Variants in CAGE1 observed in about 807,000 individuals in gnomAD.
CAGE1 encodes cancer antigen 1.
A neutral mutation model predicts 94.9 loss-of-function variants in CAGE1; 66 were observed. The observed-to-expected ratio is 0.70, with a 90% CI of 0.57 to 0.85. The LOEUF (loss-of-function observed/expected upper bound fraction) is 0.85, where lower values mean the gene tolerates loss of function less well. CAGE1 is among the 40% of genes least tolerant of loss of function. The pLI, the probability that CAGE1 is intolerant of heterozygous loss-of-function variation, is 0.00. For missense variants in CAGE1, 865 were observed against 950.4 expected (o/e 0.91, Z 1.18); for synonymous variants, 319 against 321.0 (o/e 0.99, Z 0.07).
At chr6:7,382,212 A>G (rs1760959108) in intron 3 of CAGE1, among the ~76,000 whole-genome samples, 1 of 152,096 alleles carries the variant, frequency 6.6e-6, no homozygotes, top group Non-Finnish European at 1.5e-5. Flanking sequence ...TACATATTGC[A>G]TGTATCTTCA....
At position 7,389,547 on chromosome 6, in the gene CAGE1, A is replaced by G. The variant is rs1006047438; in HGVS notation, c.-369T>C. ...TTCCCAGAGAGTGGTGAAGTTAGGA[A>G]GGTACGACCCCCTAGGCCGAACAGC... On this transcript the variant is annotated 5_prime_UTR_variant, in exon 1 of 14. Transcript: ENST00000502583. 29 of 346,182 alleles carry G rather than the reference A, an allele frequency of 8.4e-5. No individual in the cohort carries two copies. Among genetic ancestry groups the G allele is most frequent in the Non-Finnish European group, 1.4e-4 (25 of 173,634 alleles). 21.4% of individuals were successfully genotyped at this position (346,182 alleles called of 1,614,324 possible).
At chr6:7,345,390 A>C (rs967017533) in intron 11 of CAGE1, among the ~76,000 whole-genome samples, 5 of 152,154 alleles carry the variant, frequency 3.3e-5, no homozygotes, top group African/African-American at 9.7e-5. Context: ...CAAACGCCAG[A>C]TGTGCCATCT....
At chr6:7,332,253 T>G (rs1462011019) in intron 12 of CAGE1, among the ~76,000 whole-genome samples, 5 of 152,174 alleles carry the variant, frequency 3.3e-5, no homozygotes, top group African/African-American at 1.2e-4. Flanking sequence ...GAGTCTCAGC[T>G]TGGCAATTGG....
chr6:7,378,738 C>T lies in CAGE1; in HGVS notation c.566G>A (p.Arg189Lys). The T allele has an allele frequency of 6.8e-6, 11 of 1,613,906 alleles. No homozygotes were observed. Among genetic ancestry groups the T allele is most frequent in the Non-Finnish European group, 8.5e-6 (10 of 1,179,852 alleles). Reference protein sequence around the residue: ...GNEYFRQPPPRSPPLIHCSGE... With the variant: ...GNEYFRQPPPKSPPLIHCSGE... ...ACTGCAGTGGATTAGAGGCGGGCTT[C>T]TAGGAGGAGGCTGTCTAAAATACTC... is the stretch of plus-strand genomic sequence containing the variant. The change falls in exon 4 of 14, where the codon AGA (arginine) becomes AAA (lysine). Residue 189 changes from arginine to lysine, a missense_variant. Arg to Lys is a conservative substitution (Grantham distance 26). Coordinates refer to ENST00000502583, the MANE Select transcript of CAGE1 (RefSeq NM_001170692.2).
At position 7,356,138 on chromosome 6, in the gene CAGE1, A is replaced by T; in HGVS notation, c.2194-9T>A. 1 of 1,437,258 alleles carries T rather than the reference A, an allele frequency of 7.0e-7. No homozygotes were observed. The highest frequency in any genetic ancestry group is 1.4e-5 in the African/African-American group (1 of 70,710). 89.0% of individuals were successfully genotyped at this position (1,437,258 alleles called of 1,614,324 possible). ...TGTCCCAGTTTTGTGATCTATGGAG[A>T]AATATCAGTAAACATACTAATCTGG... On this transcript the variant is annotated splice_polypyrimidine_tract_variant and intron_variant, in intron 9 of 13. Transcript: ENST00000502583.
chr6:7,344,685 C>T (rs939687677), intron 11 of CAGE1, among the ~76,000 whole-genome samples: 1 of 152,248 alleles, frequency 6.6e-6, no homozygotes, highest in African/African-American at 2.4e-5. Context: ...GCTTCTGAGT[C>T]TGGTGGGAAG....
Position 7,373,952 on chromosome 6 carries a change from C to G in CAGE1, c.867G>C (p.Trp289Cys). 6.2e-7 allele frequency: 1 copy of G among 1,614,000 alleles called. No homozygotes were observed. The highest frequency in any genetic ancestry group is 1.3e-5 in the African/African-American group (1 of 75,040). The change falls in exon 5 of 14, where the codon TGG becomes TGC. Residue 289 changes from tryptophan (W) to cysteine (C), a missense_variant. Physicochemically the swap from Trp to Cys is radical, Grantham distance 215. Coordinates refer to ENST00000502583, the MANE Select transcript of CAGE1 (RefSeq NM_001170692.2). ...GTTGTAAGCTTTCAGCACTTTGCTCCCAGTCAGGCATCTCACAGTTCTCCC... is the reference window on the plus strand; with the variant it reads ...GTTGTAAGCTTTCAGCACTTTGCTCGCAGTCAGGCATCTCACAGTTCTCCC... ...ACRENCEMPD[W>C]EQSAESLQPV... is the part of the protein sequence containing the mutation.
chr6:7,387,059 T>C lies in CAGE1; in HGVS notation c.115A>G (p.Ser39Gly). The C allele has an allele frequency of 6.4e-7, 1 of 1,551,898 alleles. No homozygotes were observed. The highest frequency in any genetic ancestry group is 1.4e-5 in the African/African-American group (1 of 73,180). The change falls in exon 2 of 14, where the codon AGC becomes GGC. Residue 39 changes from serine (S) to glycine (G), a missense_variant. Transcript: ENST00000502583. ...AGCATTACACCTTGAGAAAGATTGC[T>C]GACATTCATGGTATCCGATTCTGAC... ...SMSESDTMNV[S>G]NLSQGVMLSH... is the part of the protein sequence containing the mutation.
At chr6:7,333,601 G>GTT (rs5874091) in intron 12 of CAGE1, among the ~76,000 whole-genome samples, 7 of 142,062 alleles carry the variant, frequency 4.9e-5, no homozygotes, top group African/African-American at 1.0e-4. Context: ...AAGGAAAAGA[G>GTT]TTTTTTTTTT....
intron 4 of CAGE1, among the ~76,000 whole-genome samples, chr6:7,375,572 T>C (rs984463543): frequency 3.3e-5 from 5 of 151,986 alleles, no homozygotes; most frequent in African/African-American, 9.7e-5. Flanking sequence ...CCCTATCTCT[T>C]CAAAAAAAAT....
At position 7,339,341 on chromosome 6, in the gene CAGE1, C is replaced by T. The variant is rs573357828; in HGVS notation, c.2370-5251G>A. On this transcript the variant is annotated intron_variant, in intron 11 of 13. Coordinates refer to ENST00000502583, the MANE Select transcript of CAGE1 (RefSeq NM_001170692.2). This position sits in a 1 kb window ranked among gnomAD's most constrained non-coding sequence, Gnocchi z 4.7. ...CTACACTGCCCTCTGGAGAGCCAAACCTCTTCTGAACTACAGCAGTCAGTT... is the reference window on the plus strand; with the variant it reads ...CTACACTGCCCTCTGGAGAGCCAAATCTCTTCTGAACTACAGCAGTCAGTT... 1 of 1,607,546 alleles carries T rather than the reference C, an allele frequency of 6.2e-7. No individual in the cohort carries two copies. Among genetic ancestry groups the T allele is most frequent in the Non-Finnish European group, 8.5e-7 (1 of 1,174,556 alleles).
chr6:7,385,988 T>C (rs1409944549), intron 2 of CAGE1, 116 bp from the exon 3 acceptor site: 8 of 538,530 alleles, frequency 1.5e-5, no homozygotes, highest in African/African-American at 2.0e-5. Context: ...ATAGGTAGAA[T>C]GTGCTTTCTA....
chr6:7,328,768 A>G (rs1031585503), intron 13 of CAGE1, among the ~76,000 whole-genome samples: 28 of 151,964 alleles, frequency 1.8e-4, no homozygotes, highest in African/African-American at 6.8e-4. Context: ...GAATCCTCCC[A>G]ACACAAAGAA....
At chr6:7,348,597 AGG>A (rs1451226405) in intron 11 of CAGE1, among the ~76,000 whole-genome samples, 1 of 148,708 alleles carries the variant, frequency 6.7e-6, no homozygotes, top group Non-Finnish European at 1.5e-5. Context: ...AGAATTCAGG[AGG>A]TTAGTTATTA....
At position 7,362,650 on chromosome 6, in the gene CAGE1, T is replaced by C. The variant is rs1760200875; in HGVS notation, c.2193+2818A>G. On this transcript the variant is annotated intron_variant, in intron 9 of 13. Coordinates refer to ENST00000502583, the MANE Select transcript of CAGE1 (RefSeq NM_001170692.2). This position sits in a 1 kb window ranked among gnomAD's most constrained non-coding sequence, Gnocchi z 4.1. ...GCCAAGGGAAGCATGAGCATCACCC[T>C]GCACTCCAGCGGCCACACCTTGCTG... Among the ~76,000 whole-genome samples the C allele has an allele frequency of 6.6e-6, 1 of 152,202 alleles. No individual in the cohort carries two copies. Among genetic ancestry groups the C allele is most frequent in the Non-Finnish European group, 1.5e-5 (1 of 68,020 alleles).
In CAGE1 at chr6:7,329,602, A is replaced by G. The variant is rs576057134; in HGVS notation, c.2478+247T>C. 1.4e-4 allele frequency among the ~76,000 whole-genome samples: 21 copies of G among 152,180 alleles called. No homozygotes were observed. The East Asian group carries it at 3.3e-3, about 24-fold the overall frequency. The stretch of plus-strand genomic sequence containing the variant: ...GGTGAGTGCAACAGGTCATATGAGA[A>G]ACGACAGGGGCTTGAAGGAGTAGCA... On this transcript the variant is annotated intron_variant, in intron 13 of 13. Coordinates refer to ENST00000502583, the MANE Select transcript of CAGE1 (RefSeq NM_001170692.2).
Position 7,338,934 on chromosome 6 carries a change from T to C in CAGE1, c.2370-4844A>G, listed in dbSNP as rs909666296. ...GTGGGCAGTTATCTCATCTTTGGGT[T>C]CCACGATGCTCACGTGGTCAGGCAG... On this transcript the variant is annotated intron_variant, in intron 11 of 13. Coordinates refer to ENST00000502583, the MANE Select transcript of CAGE1 (RefSeq NM_001170692.2). 465 of 1,604,268 alleles carry C rather than the reference T, an allele frequency of 2.9e-4. 1 individual carries two copies. The highest frequency in any genetic ancestry group is 3.8e-4 in the Non-Finnish European group (451 of 1,173,012).
chr6:7,330,825 A>G (rs1437228745), intron 12 of CAGE1, among the ~76,000 whole-genome samples: 4 of 152,214 alleles, frequency 2.6e-5, no homozygotes, highest in Admixed American at 2.6e-4. Context: ...GGCCAGTCTA[A>G]ATCTATATAA....
At position 7,354,968 on chromosome 6, in the gene CAGE1, AAAG is replaced by A. The variant is rs967726439; in HGVS notation, c.2369+70_2369+72del. The A allele has an allele frequency of 9.5e-6, 11 of 1,158,558 alleles. No individual in the cohort carries two copies. The African/African-American group carries it at 1.7e-4, about 18-fold the overall frequency. 71.8% of individuals were successfully genotyped at this position (1,158,558 alleles called of 1,614,324 possible). A position where few individuals can be genotyped will look rare whatever the true frequency, so the allele number is the denominator to read the frequency against. On this transcript the variant is annotated intron_variant, in intron 11 of 13. Transcript: ENST00000502583. ...TTTCTTCTTTCTAGGAGTCTGAAAA[AAAG>A]AATTTAGAATCCAGAGAATAAGGTA...
Sources: allele counts gnomAD v4.1 joint callset (sites outside exome capture counted in the v4.1 genomes callset), GRCh38; gene constraint gnomAD v4.1.1; non-coding constraint Gnocchi (gnomAD v3.1); transcripts MANE v1.5; gene names NCBI Gene and HGNC (gene_info 2026-07-23, HGNC 2026-07-21).